DAB2IP: variants seen among roughly 807,000 people sequenced by gnomAD.
The protein encoded by DAB2IP is disabled homolog 2-interacting protein.
In DAB2IP, 28 loss-of-function variants were observed where a neutral mutation model predicts 107.2. The ratio of observed to expected loss-of-function variants is 0.26; its 90% CI spans 0.19 to 0.36. The LOEUF is 0.36. DAB2IP is among the 10% of genes least tolerant of loss of function. The pLI is 1.00. For missense variants in DAB2IP, 1,400 were observed against 1,644.7 expected (o/e 0.85, Z 2.57); for synonymous variants, 755 against 706.4 (o/e 1.07, Z -1.09).
chr9:121,679,589 C>T (rs1473570406), intron 2 of DAB2IP, among the ~76,000 whole-genome samples: 2 of 152,070 alleles, frequency 1.3e-5, no homozygotes, highest in African/African-American at 4.8e-5. Flanking sequence ...GTCTGTAGGT[C>T]AGGTGGATGT....
At chr9:121,715,243 AGG>A (rs890350964) in intron 3 of DAB2IP, among the ~76,000 whole-genome samples, 2 of 152,232 alleles carry the variant, frequency 1.3e-5, no homozygotes, top group South Asian at 4.2e-4. Context: ...GACTCTAGAA[AGG>A]GGGAACCCTC....
In DAB2IP at chr9:121,699,021, G is replaced by T. The variant is rs1003116661; in HGVS notation, c.229-304G>T. On this transcript the variant is annotated intron_variant, in intron 2 of 15. Coordinates refer to ENST00000408936, the Ensembl canonical transcript of DAB2IP. This position sits in a 1 kb window ranked among gnomAD's most constrained non-coding sequence, Gnocchi z 6.2. ...ACTCCCCCTCGCCCCGGCGCCCGGG[G>T]GGCTCGGGCAGCCTCGGCCGCGGTC... Among the ~76,000 whole-genome samples, 1 of 151,064 alleles carries T rather than the reference G, an allele frequency of 6.6e-6. No homozygotes were observed.
chr9:121,672,981 G>A (rs542573734), intron 1 of DAB2IP, among the ~76,000 whole-genome samples: 3 of 152,320 alleles, frequency 2.0e-5, no homozygotes, highest in Non-Finnish European at 2.9e-5. Flanking sequence ...CTAGGACCCC[G>A]AGGCTGAATC....
At chr9:121,781,954 T>A (rs1835687473) in intron 15 of DAB2IP, among the ~76,000 whole-genome samples, 1 of 152,152 alleles carries the variant, frequency 6.6e-6, no homozygotes. Context: ...CCTCCTTTAC[T>A]CAGGGCTGCA....
chr9:121,569,583 G>C (rs1395061017), intron 1 of DAB2IP, among the ~76,000 whole-genome samples: 1 of 152,240 alleles, frequency 6.6e-6, no homozygotes, highest in African/African-American at 2.4e-5. Flanking sequence ...ACTTTGGGAG[G>C]CTGAGGCAGG....
At chr9:121,763,543 C>G in exon 7 of DAB2IP, 1 of 1,613,926 alleles carries the variant, frequency 6.2e-7, no homozygotes, top group Middle Eastern at 1.6e-4. Context: ...AGGTGGACCG[C>G]TGCGGGGACA....
chr9:121,782,188 C>G lies in DAB2IP; in HGVS notation c.3403-143C>G. On this transcript the variant is annotated intron_variant, in intron 15 of 15. Coordinates refer to ENST00000408936, the Ensembl canonical transcript of DAB2IP. The surrounding 1 kb of genome is among the most constrained non-coding windows in gnomAD (Gnocchi z 6.1). ...TGATGCTGCAGAGGCCTCTGCCTAC[C>G]TTCTCTTGCCAGCTGCTCACAGCCC... 1 of 1,373,676 alleles carries G rather than the reference C, an allele frequency of 7.3e-7. No homozygotes were observed. The highest frequency in any genetic ancestry group is 9.7e-7 in the Non-Finnish European group (1 of 1,031,318). The allele number at this position is 1,373,676 out of a possible 1,614,324, so 85.1% of individuals were successfully genotyped here.
At chr9:121,689,534 G>A (rs1829058065) in intron 2 of DAB2IP, among the ~76,000 whole-genome samples, 1 of 122,446 alleles carries the variant, frequency 8.2e-6, no homozygotes, top group Non-Finnish European at 1.6e-5. Context: ...AGTGTTTACT[G>A]GTCCTCAGTC....
chr9:121,745,640 C>T (rs1018130690), intron 3 of DAB2IP, among the ~76,000 whole-genome samples: 18 of 3,488 alleles, frequency 5.2e-3, no homozygotes, highest in East Asian at 0.017. Flanking sequence ...TGGGGCGGGG[C>T]GGGGGTGGGG....
intron 3 of DAB2IP, among the ~76,000 whole-genome samples, chr9:121,725,930 CTG>C (rs1831218122): frequency 6.6e-6 from 1 of 152,176 alleles, no homozygotes; most frequent in Non-Finnish European, 1.5e-5. Flanking sequence ...AAGTCCTTGG[CTG>C]TGTGTAAGGG....
At chr9:121,654,917 A>G (rs757002226) in intron 1 of DAB2IP, among the ~76,000 whole-genome samples, 1 of 152,362 alleles carries the variant, frequency 6.6e-6, no homozygotes, top group Non-Finnish European at 1.5e-5. Flanking sequence ...GAAAAATGCA[A>G]GGAAGAGTTG....
intron 1 of DAB2IP, among the ~76,000 whole-genome samples, chr9:121,608,025 G>C (rs1589400970): frequency 6.6e-6 from 1 of 152,250 alleles, no homozygotes; most frequent in Non-Finnish European, 1.5e-5. Context: ...TCCGGGAGGA[G>C]AGAATTCCCA....
intron 4 of DAB2IP, among the ~76,000 whole-genome samples, chr9:121,757,680 G>A (rs1201109858): frequency 1.3e-5 from 2 of 152,076 alleles, no homozygotes; most frequent in Admixed American, 1.3e-4. Context: ...GGAAATGGGG[G>A]ATCTGAGGCC....
intron 1 of DAB2IP, among the ~76,000 whole-genome samples, chr9:121,664,596 T>A (rs1833342456): frequency 6.6e-6 from 1 of 152,240 alleles, no homozygotes. Flanking sequence ...CTCTTATGTG[T>A]TAAATTTATT....
chr9:121,759,391 C>T (rs1223673468), intron 5 of DAB2IP, among the ~76,000 whole-genome samples: 2 of 152,212 alleles, frequency 1.3e-5, no homozygotes. Context: ...TGTGTTCCCA[C>T]TGCCCCTGGG....
intron 1 of DAB2IP, among the ~76,000 whole-genome samples, chr9:121,658,162 C>T (rs895241546): frequency 1.3e-5 from 2 of 152,174 alleles, no homozygotes; most frequent in Non-Finnish European, 2.9e-5. Flanking sequence ...ACATCCCAGG[C>T]TGCATACGTG....
chr9:121,642,552 T>C (rs1458473990), intron 1 of DAB2IP, among the ~76,000 whole-genome samples: 1 of 140,952 alleles, frequency 7.1e-6, no homozygotes, highest in African/African-American at 2.7e-5. Context: ...CTCAAACTCC[T>C]GGGCTCAAGT....
intron 1 of DAB2IP, among the ~76,000 whole-genome samples, chr9:121,585,393 A>C (rs960687992): frequency 6.6e-6 from 1 of 152,194 alleles, no homozygotes; most frequent in Non-Finnish European, 1.5e-5. Flanking sequence ...CTCATCTGCA[A>C]AATGAGGATA....
chr9:121,569,746 G>C (rs1019675334), intron 1 of DAB2IP, among the ~76,000 whole-genome samples: 1 of 152,188 alleles, frequency 6.6e-6, no homozygotes, highest in Non-Finnish European at 1.5e-5. Context: ...ACTTGAACTC[G>C]GGAGGCAAAA....
Sources: allele counts gnomAD v4.1 joint callset (sites outside exome capture counted in the v4.1 genomes callset), GRCh38; gene constraint gnomAD v4.1.1; non-coding constraint Gnocchi (gnomAD v3.1); transcripts MANE v1.5; gene names NCBI Gene and HGNC (gene_info 2026-07-23, HGNC 2026-07-21).